Variants in FLI1 observed in about 807,000 individuals in gnomAD.
FLI1 encodes the protein Fli-1 proto-oncogene, ETS transcription factor.
FLI1 carries 13 observed loss-of-function variants against 53.1 expected under a neutral mutation model. That is an observed-to-expected ratio of 0.24 (90% CI 0.16 to 0.39). The LOEUF (loss-of-function observed/expected upper bound fraction) is 0.39. Among genes scored for constraint, FLI1 ranks in the 10% least tolerant of loss-of-function variants. The pLI, the probability that FLI1 is intolerant of heterozygous loss-of-function variation, is 1.00. For missense variants in FLI1, 424 were observed against 600.5 expected, an observed-to-expected ratio of 0.71 and a Z score of 3.07; for synonymous variants, 244 against 236.7, an observed-to-expected ratio of 1.03 and a Z score of -0.28.
At chr11:128,777,178 G>A (rs1296713378) in intron 4 of FLI1, among the ~76,000 whole-genome samples, 1 of 152,192 alleles carries the variant, frequency 6.6e-6, no homozygotes, top group Non-Finnish European at 1.5e-5. Context: ...TCGAAGAAAC[G>A]GAGGGCGCCG....
intron 1 of FLI1, among the ~76,000 whole-genome samples, chr11:128,748,789 G>C (rs1202161812): frequency 6.6e-6 from 1 of 152,178 alleles, no homozygotes; most frequent in Non-Finnish European, 1.5e-5. Context: ...GCAGCATGGA[G>C]ACTCATGAGG....
intron 1 of FLI1, chr11:128,748,250 G>A (rs1005646902): frequency 1.8e-5 from 18 of 984,222 alleles, no homozygotes; most frequent in Middle Eastern, 5.2e-4. Context: ...TTCTTTCTCT[G>A]GGTCATCCAC....
chr11:128,756,868 T>G (rs1940880812), intron 1 of FLI1, among the ~76,000 whole-genome samples: 1 of 152,092 alleles, frequency 6.6e-6, no homozygotes, highest in South Asian at 2.1e-4. Context: ...GTAGCAGATC[T>G]CCGGAATGTG....
chr11:128,728,802 C>T lies in FLI1; in HGVS notation c.19-29313C>T, dbSNP rs150105713. The stretch of plus-strand genomic sequence containing the variant: ...GTATCAGGTAAACCTGCCTTGGCTA[C>T]ATCAAGTCCAGGGATATGATGAACC... On this transcript the variant is annotated intron_variant, in intron 1 of 8. Coordinates refer to ENST00000527786, the MANE Select transcript of FLI1 (RefSeq NM_002017.5). Among the ~76,000 whole-genome samples the T allele has an allele frequency of 7.9e-5, 12 of 152,362 alleles. No homozygotes were observed. In the East Asian group the frequency reaches 2.3e-3, roughly 29 times the overall value.
intron 1 of FLI1, among the ~76,000 whole-genome samples, chr11:128,687,874 G>GTGAA (rs2135673880): frequency 6.6e-6 from 1 of 152,324 alleles, no homozygotes; most frequent in East Asian, 1.9e-4. Flanking sequence ...GCCTGAGTGA[G>GTGAA]TGAATGAATG....
chr11:128,771,530 C>T (rs1368731319), intron 3 of FLI1, among the ~76,000 whole-genome samples: 1 of 152,260 alleles, frequency 6.6e-6, no homozygotes, highest in Non-Finnish European at 1.5e-5. Flanking sequence ...ACATCCACTC[C>T]TAGTCATTCA....
chr11:128,740,089 C>CA (rs1263765208), intron 1 of FLI1, among the ~76,000 whole-genome samples: 1 of 152,102 alleles, frequency 6.6e-6, no homozygotes, highest in African/African-American at 2.4e-5. Context: ...CATCTCTGCC[C>CA]CATAAGCGCA....
intron 4 of FLI1, among the ~76,000 whole-genome samples, chr11:128,774,239 T>C (rs1176054973): frequency 6.6e-6 from 1 of 152,188 alleles, no homozygotes; most frequent in African/African-American, 2.4e-5. Context: ...GGTGCCTCTG[T>C]GCTCTCTGGT....
intron 1 of FLI1, among the ~76,000 whole-genome samples, chr11:128,707,887 G>C (rs564858550): frequency 6.6e-6 from 1 of 152,164 alleles, no homozygotes; most frequent in Non-Finnish European, 1.5e-5. Flanking sequence ...CAAAACACTG[G>C]TTTTGTAAGA....
At chr11:128,805,316 T>G in intron 5 of FLI1, 50 bp from the exon 6 acceptor site, 1 of 1,145,724 alleles carries the variant, frequency 8.7e-7, no homozygotes, top group Non-Finnish European at 1.3e-6. Context: ...ATGCAACTTT[T>G]CTGAGAAGCA....
At chr11:128,693,941 C>CGA (rs57930585), upstream of FLI1, 3,523 of 174,696 alleles carry the variant, frequency 0.02, 94 homozygotes, top group African/African-American at 0.028. Flanking sequence ...GAGCTCGAGG[C>CGA]GAGAGAGAGA....
intron 1 of FLI1, among the ~76,000 whole-genome samples, chr11:128,713,817 A>C (rs1938893642): frequency 6.6e-6 from 1 of 152,162 alleles, no homozygotes; most frequent in African/African-American, 2.4e-5. Flanking sequence ...CAGGCCTTCC[A>C]ATAAGTCTTT....
chr11:128,787,841 C>G (rs1007916775), intron 5 of FLI1, among the ~76,000 whole-genome samples: 39 of 137,496 alleles, frequency 2.8e-4, no homozygotes, highest in Non-Finnish European at 5.2e-4. Context: ...GAGTCTCGCT[C>G]TGTCGCTCAG....
At chr11:128,786,642 C>G (rs1443443200) in intron 5 of FLI1, among the ~76,000 whole-genome samples, 1 of 152,128 alleles carries the variant, frequency 6.6e-6, no homozygotes, top group South Asian at 2.1e-4. Context: ...CGTGTGTCTG[C>G]CCTGGTCCCA....
chr11:128,727,829 C>A (rs1939542087), intron 1 of FLI1, among the ~76,000 whole-genome samples: 1 of 152,230 alleles, frequency 6.6e-6, no homozygotes, highest in South Asian at 2.1e-4. Context: ...TGTCCCACAA[C>A]CACAGCCCAT....
At chr11:128,720,448 A>T (rs1337157219) in intron 1 of FLI1, among the ~76,000 whole-genome samples, 2 of 152,238 alleles carry the variant, frequency 1.3e-5, no homozygotes, top group African/African-American at 4.8e-5. Context: ...TGAAAAGACG[A>T]TGTTTAAAAA....
chr11:128,700,488 G>T (rs557127264), intron 1 of FLI1, among the ~76,000 whole-genome samples: 2 of 152,342 alleles, frequency 1.3e-5, no homozygotes, highest in Admixed American at 1.3e-4. Flanking sequence ...AGAGTGGAGG[G>T]TACTTTGGGG....
intron 1 of FLI1, among the ~76,000 whole-genome samples, chr11:128,748,598 A>G (rs1940512005): frequency 6.6e-6 from 1 of 151,930 alleles, no homozygotes; most frequent in African/African-American, 2.4e-5. Flanking sequence ...GCGCCTCTGC[A>G]CTCCAGCCTG....
chr11:128,723,464 A>G (rs1417713517), intron 1 of FLI1, among the ~76,000 whole-genome samples: 1 of 152,150 alleles, frequency 6.6e-6, no homozygotes. Context: ...ACTATGGGTA[A>G]TCTTAGGAAA....
Sources: allele counts gnomAD v4.1 joint callset (sites outside exome capture counted in the v4.1 genomes callset), GRCh38; gene constraint gnomAD v4.1.1; transcripts MANE v1.5; gene names NCBI Gene and HGNC (gene_info 2026-07-23, HGNC 2026-07-21).